Variants in GREB1 observed in about 807,000 individuals in gnomAD.
The protein encoded by GREB1 is protein GREB1.
In GREB1, 106 loss-of-function variants were observed where a neutral mutation model predicts 200.7. That is an observed-to-expected ratio of 0.53 (90% confidence interval 0.45 to 0.62). The LOEUF (loss-of-function observed/expected upper bound fraction) is 0.62, where lower values mean the gene tolerates loss of function less well. Among genes scored for constraint, GREB1 ranks in the 20% least tolerant of loss-of-function variants. The probability of loss-of-function intolerance (pLI) is 0.00; values close to 1 mark genes in which losing one functional copy is unlikely to be tolerated. For synonymous variants in GREB1, 1,132 were observed against 1,092.4 expected (o/e 1.04, Z -0.72); for missense variants, 2,243 against 2,556.8 (o/e 0.88, Z 2.65).
intron 24 of GREB1, 44 bp from the exon 25 acceptor site, chr2:11,626,918 G>T (rs1417520576): frequency 9.9e-6 from 16 of 1,609,070 alleles, no homozygotes; most frequent in African/African-American, 8.0e-5. Flanking sequence ...GATAATGTTT[G>T]CTTTGCTCCC....
At chr2:11,504,752 A>G (rs1673135426) in intron 1 of GREB1, among the ~76,000 whole-genome samples, 1 of 152,234 alleles carries the variant, frequency 6.6e-6, no homozygotes, top group South Asian at 2.1e-4. Context: ...TTATCCAAAC[A>G]TTGCTTGATT....
chr2:11,538,661 CTTT>C (rs1674429864), intron 1 of GREB1, among the ~76,000 whole-genome samples: 12 of 24,996 alleles, frequency 4.8e-4, no homozygotes, highest in African/African-American at 8.0e-4. Context: ...TTCTTTCTTT[CTTT>C]CTTTCTTTCT....
intron 24 of GREB1, 39 bp downstream of exon 24, chr2:11,625,351 A>C (rs1684359630): frequency 6.3e-7 from 1 of 1,594,994 alleles, no homozygotes; most frequent in African/African-American, 1.3e-5. Flanking sequence ...TCCAGAGTGC[A>C]TGGGCACAGC....
intron 3 of GREB1, among the ~76,000 whole-genome samples, chr2:11,563,989 G>C (rs1412308696): frequency 1.3e-5 from 2 of 152,180 alleles, no homozygotes; most frequent in Non-Finnish European, 2.9e-5. Flanking sequence ...TCCTGGAGGA[G>C]GTGGCCCTTT....
chr2:11,632,138 C>T, intron 27 of GREB1, 25 bp downstream of exon 27: 1 of 1,504,996 alleles, frequency 6.6e-7, no homozygotes, highest in Non-Finnish European at 9.3e-7. Flanking sequence ...ACATCATCTA[C>T]TCAGTCAAAC....
At chr2:11,542,330 A>C (rs114094409) in intron 1 of GREB1, among the ~76,000 whole-genome samples, 1,648 of 152,090 alleles carry the variant, frequency 0.011, 36 homozygotes, top group African/African-American at 0.038. Flanking sequence ...TGAGACCCCG[A>C]AGGCCCCCGG....
In GREB1 at chr2:11,517,929, A is replaced by T. The variant is rs1030934018; in HGVS notation, c.-159+35548A>T. Among the ~76,000 whole-genome samples the T allele has an allele frequency of 2.0e-5, 3 of 152,200 alleles. No individual in the cohort carries two copies. In the South Asian group the frequency reaches 6.2e-4, roughly 32 times the overall value. ...TGGCCTCCCAAAGTGCTGGGATTAT[A>T]ACAGTGAAGCATCTTTAACAGCAGT... On this transcript the variant is annotated intron_variant, in intron 1 of 2. Coordinates refer to the GREB1 transcript ENST00000628795.
At chr2:11,503,450 T>G (rs1316810531) in intron 1 of GREB1, among the ~76,000 whole-genome samples, 1 of 152,220 alleles carries the variant, frequency 6.6e-6, no homozygotes, top group Non-Finnish European at 1.5e-5. Context: ...CATTGTTTCC[T>G]TTTTTATAAT....
At chr2:11,578,202 C>T (rs772164939) in intron 5 of GREB1, 95 bp from the exon 6 acceptor site, 24 of 1,347,366 alleles carry the variant, frequency 1.8e-5, no homozygotes, top group Non-Finnish European at 2.5e-5. Context: ...CTCCATAGCT[C>T]ACTGTCCTGT....
chr2:11,634,085 C>T lies in GREB1; in HGVS notation c.4992-46C>T, dbSNP rs1016583153. ...CTGCCTGGTCCCAAGGACCTTGCTG[C>T]TGCTCGTGTGTCAGCCTAGGGACTC... On this transcript the variant is annotated intron_variant, in intron 28 of 32. Transcript: ENST00000381486. The T allele has an allele frequency of 7.0e-6, 11 of 1,562,918 alleles. No homozygotes were observed. The African/African-American group carries it at 1.4e-4, about 19-fold the overall frequency.
chr2:11,640,855 T>C lies in GREB1; in HGVS notation c.*401T>C, dbSNP rs918103496. On this transcript the variant is annotated 3_prime_UTR_variant, in exon 33 of 33. Coordinates refer to ENST00000381486, the MANE Select transcript of GREB1 (RefSeq NM_014668.4). The surrounding 1 kb of genome is among the most constrained non-coding windows in gnomAD (Gnocchi z 4.6). The stretch of plus-strand genomic sequence containing the variant: ...TTCAGTAGATGGGATTTCAGCCAAG[T>C]AGGTTCCCCTGTAACCTCCTACAAA... 11 of 179,270 alleles carry C rather than the reference T, an allele frequency of 6.1e-5. No homozygotes were observed. Among genetic ancestry groups the C allele is most frequent in the Non-Finnish European group, 1.0e-4 (9 of 87,190 alleles). 11.1% of individuals were successfully genotyped at this position (179,270 alleles called of 1,614,324 possible).
intron 1 of GREB1, among the ~76,000 whole-genome samples, chr2:11,524,764 C>G (rs1345211978): frequency 6.6e-6 from 1 of 152,172 alleles, no homozygotes; most frequent in East Asian, 1.9e-4. Flanking sequence ...TGTCCATCCC[C>G]CCACTTCCTG....
In GREB1 at chr2:11,592,840, G is replaced by A; in HGVS notation, c.1410G>A (p.Ser470=). The A allele has an allele frequency of 6.3e-7, 1 of 1,595,784 alleles. No homozygotes were observed. The highest frequency in any genetic ancestry group is 1.4e-5 in the African/African-American group (1 of 73,228). ...EQIFLRSWRE[S]HLTEIRQYQQ... The stretch of plus-strand genomic sequence containing the variant: ...TCTTCCTGCGCTCTTGGCGCGAGTC[G>A]CACCTGACCGAGATCCGGCAGTACC... The change falls in exon 11 of 33, where the codon TCG becomes TCA. Residue 470 remains serine, a synonymous_variant. Transcript: ENST00000381486.
At chr2:11,638,339 C>T (rs1036174060) in intron 31 of GREB1, among the ~76,000 whole-genome samples, 2 of 152,164 alleles carry the variant, frequency 1.3e-5, no homozygotes, top group Non-Finnish European at 2.9e-5. Flanking sequence ...CAGGGTTTCA[C>T]TATGTTGTCC....
intron 10 of GREB1, among the ~76,000 whole-genome samples, chr2:11,592,405 G>A (rs57676101): frequency 0.041 from 5,694 of 139,216 alleles, 355 homozygotes; most frequent in African/African-American, 0.13. Flanking sequence ...TTCCTACTTT[G>A]TCATTGAAAA....
chr2:11,614,293 A>AT (rs1465044339), intron 19 of GREB1, among the ~76,000 whole-genome samples: 2 of 151,248 alleles, frequency 1.3e-5, no homozygotes, highest in Non-Finnish European at 2.9e-5. Flanking sequence ...CACCCGGCTA[A>AT]TTTTTGTATT....
At chr2:11,572,008 G>A (rs1436484354) in intron 4 of GREB1, among the ~76,000 whole-genome samples, 1 of 152,210 alleles carries the variant, frequency 6.6e-6, no homozygotes, top group East Asian at 1.9e-4. Context: ...ACCACGCCCA[G>A]CCGAACCATG....
intron 1 of GREB1, among the ~76,000 whole-genome samples, chr2:11,551,547 T>G (rs1331800069): frequency 6.6e-6 from 1 of 152,260 alleles, no homozygotes; most frequent in Admixed American, 6.5e-5. Context: ...TTTTTGTTAT[T>G]CTATCACTGT....
At chr2:11,557,842 A>G (rs972097924) in intron 2 of GREB1, among the ~76,000 whole-genome samples, 2 of 152,180 alleles carry the variant, frequency 1.3e-5, no homozygotes, top group Admixed American at 1.3e-4. Flanking sequence ...CATTCACATC[A>G]AAAGCACTGA....
Sources: gnomAD v4.1 joint callset for allele counts (sites outside exome capture counted in the v4.1 genomes callset) on GRCh38, gnomAD v4.1.1 for gene constraint, Gnocchi (gnomAD v3.1) non-coding constraint, MANE v1.5 for transcripts, NCBI Gene and HGNC (gene_info 2026-07-23, HGNC 2026-07-21) for gene names.